The following NPAP1 variants were observed in gnomAD, a reference collection of about 807,000 sequenced individuals.
The protein encoded by NPAP1 is nuclear pore-associated protein 1.
For synonymous variants in NPAP1, 616 were observed against 581.4 expected, an observed-to-expected ratio of 1.06 and a Z score of -0.86; for missense variants, 1,483 against 1,454.5, an observed-to-expected ratio of 1.02 and a Z score of -0.32.
chr15:24,677,301 T>A lies in NPAP1; in HGVS notation c.1434T>A (p.Asn478Lys), dbSNP rs767344796. ...TTCCCATTTTGGGTGATCAGTCTAA[T>A]GAGAAAGGAGGCTCTTATAATTCAG... is the stretch of plus-strand genomic sequence containing the variant. The part of the protein sequence containing the change: ...DLVPILGDQS[N>K]EKGGSYNSVV... Residue 478 changes from asparagine (N) to lysine (K), a missense_variant, in exon 1 of 1, where the codon AAT becomes AAA. Asn to Lys is a moderately conservative substitution (Grantham distance 94, BLOSUM62 0). Coordinates refer to ENST00000329468, the MANE Select transcript of NPAP1 (RefSeq NM_018958.3). The A allele has an allele frequency of 6.2e-7, 1 of 1,614,188 alleles. No individual in the cohort carries two copies. The highest frequency in any genetic ancestry group is 8.5e-7 in the Non-Finnish European group (1 of 1,180,042).
chr15:24,675,949 C>A lies in NPAP1; in HGVS notation c.82C>A (p.Leu28Met), dbSNP rs2141306952. Reference protein sequence around the residue: ...PGPGRGAPAPLSRDASPPGRA... With the variant: ...PGPGRGAPAPMSRDASPPGRA... ...GCCAGGGCGTGGCGCCCCCGCTCCC[C>A]TGTCCCGGGACGCCTCCCCGCCCGG... is the stretch of plus-strand genomic sequence containing the variant. The change falls in exon 1 of 1, where the codon CTG becomes ATG. Residue 28 changes from leucine (L) to methionine (M), a missense_variant. Coordinates refer to ENST00000329468, the MANE Select transcript of NPAP1 (RefSeq NM_018958.3). 6.3e-7 allele frequency: 1 copy of A among 1,591,022 alleles called. No individual in the cohort carries two copies. The highest frequency in any genetic ancestry group is 8.5e-7 in the Non-Finnish European group (1 of 1,170,756).
Position 24,678,773 on chromosome 15 carries a change from C to T in NPAP1, c.2906C>T (p.Ala969Val), listed in dbSNP as rs769614427. The T allele has an allele frequency of 1.4e-5, 23 of 1,614,098 alleles. No individual in the cohort carries two copies. Among genetic ancestry groups the T allele is most frequent in the Non-Finnish European group, 1.9e-5 (23 of 1,180,058 alleles). Residue 969 changes from alanine (A) to valine (V), a missense_variant, in exon 1 of 1, where the codon GCA (alanine) becomes GTA (valine). By Grantham distance (64) the Ala-to-Val change is moderately conservative. Coordinates refer to ENST00000329468, the MANE Select transcript of NPAP1 (RefSeq NM_018958.3). Reference sequence around the variant, plus strand: ...GCTGAGCCAGTCGAGGGTCACAATGCAAGTGCTTTCCCCAATGGCACAGCA... The same window carrying T: ...GCTGAGCCAGTCGAGGGTCACAATGTAAGTGCTTTCCCCAATGGCACAGCA... ...VNAEPVEGHN[A>V]SAFPNGTAKT...
chr15:24,678,039 C>T lies in NPAP1; in HGVS notation c.2172C>T (p.Tyr724=), dbSNP rs772564236. ...TCTCCAAGAAGTACCTCCCATTTTA[C>T]CTGGGGCTTCCTGGTTCTGGGAACA... ...ASVSKKYLPF[Y]LGLPGSGNTQ... is the part of the protein sequence containing the mutation. The change falls in exon 1 of 1, where the codon TAC becomes TAT. Residue 724 remains tyrosine (Y), a synonymous_variant. Coordinates refer to ENST00000329468, the MANE Select transcript of NPAP1 (RefSeq NM_018958.3). 5.0e-6 allele frequency: 8 copies of T among 1,614,038 alleles called. No individual in the cohort carries two copies. The East Asian group carries it at 1.1e-4, about 22-fold the overall frequency.
rs781754283 is a variant in NPAP1 at position 24,678,382 on chromosome 15, A to C, written c.2515A>C (p.Thr839Pro). The C allele has an allele frequency of 6.2e-7, 1 of 1,613,530 alleles. No individual in the cohort carries two copies. Residue 839 changes from threonine to proline, a missense_variant, in exon 1 of 1, where the codon ACC (threonine) becomes CCC (proline). By Grantham distance (38) the Thr-to-Pro change is conservative. Transcript: ENST00000329468. ...PPSKTVILQSTFVSRKEEYIR... is the reference protein window; with the variant it reads ...PPSKTVILQSPFVSRKEEYIR... ...TTCCAAAACTGTCATCTTGCAGTCTACCTTTGTCTCCAGGAAGGAGGAGTA... is the reference window on the plus strand; with the variant it reads ...TTCCAAAACTGTCATCTTGCAGTCTCCCTTTGTCTCCAGGAAGGAGGAGTA...
At position 24,679,269 on chromosome 15, in the gene NPAP1, C is replaced by T. The variant is rs778062643; in HGVS notation, c.3402C>T (p.Tyr1134=). The change falls in exon 1 of 1, where the codon TAC becomes TAT. Residue 1134 remains tyrosine (Y), a synonymous_variant. Coordinates refer to ENST00000329468, the MANE Select transcript of NPAP1 (RefSeq NM_018958.3). ...LQHTWTERKF[Y]TSSTHYYGQE... ...ACACATGGACAGAGAGAAAATTCTA[C>T]ACTTCAAGCACCCACTACTATGGAC... 8.1e-6 allele frequency: 13 copies of T among 1,614,054 alleles called. No homozygotes were observed. The highest frequency in any genetic ancestry group is 1.1e-5 in the Non-Finnish European group (13 of 1,180,024).
In NPAP1 at chr15:24,682,442, G is replaced by C. The variant is rs951843347; in HGVS notation, c.*3104G>C. On this transcript the variant is annotated 3_prime_UTR_variant, in exon 1 of 1. Coordinates refer to ENST00000329468, the MANE Select transcript of NPAP1 (RefSeq NM_018958.3). ...AGACAAACTTTGAATAAATGTGTGA[G>C]AGATACAAAGATAATTTTTGTTTTC... is the stretch of plus-strand genomic sequence containing the variant. 1 of 166,634 alleles carries C rather than the reference G, an allele frequency of 6.0e-6. No individual in the cohort carries two copies. Among genetic ancestry groups the C allele is most frequent in the African/African-American group, 2.4e-5 (1 of 41,434 alleles). The allele number at this position is 166,634 out of a possible 1,614,324, so 10.3% of individuals were successfully genotyped here. A position where few individuals can be genotyped will look rare whatever the true frequency, so the allele number is the denominator to read the frequency against.
chr15:24,676,611 T>C lies in NPAP1; in HGVS notation c.744T>C (p.Cys248=), dbSNP rs764952896. The change falls in exon 1 of 1, where the codon TGT becomes TGC. Residue 248 remains cysteine, a synonymous_variant. Coordinates refer to ENST00000329468, the MANE Select transcript of NPAP1 (RefSeq NM_018958.3). ...CCAGCACACACAGCCAGGCCGGATGTGCCCGGCATCTTGGAAAGCCTGATC... is the reference window on the plus strand; with the variant it reads ...CCAGCACACACAGCCAGGCCGGATGCGCCCGGCATCTTGGAAAGCCTGATC... ...AMPSTHSQAG[C]ARHLGKPDPD... is the part of the protein sequence containing the mutation. 11 of 1,613,780 alleles carry C rather than the reference T, an allele frequency of 6.8e-6. No homozygotes were observed. The East Asian group carries it at 2.5e-4, about 36-fold the overall frequency.
chr15:24,675,942 C>G lies in NPAP1; in HGVS notation c.75C>G (p.Pro25=), dbSNP rs776835685. Residue 25 remains proline (P), a synonymous_variant, in exon 1 of 1, where the codon CCC becomes CCG. Coordinates refer to ENST00000329468, the MANE Select transcript of NPAP1 (RefSeq NM_018958.3). ...TGCCAGGGCCAGGGCGTGGCGCCCCCGCTCCCCTGTCCCGGGACGCCTCCC... is the reference window on the plus strand; with the variant it reads ...TGCCAGGGCCAGGGCGTGGCGCCCCGGCTCCCCTGTCCCGGGACGCCTCCC... ...RPLPGPGRGA[P]APLSRDASPP... is the part of the protein sequence containing the mutation. 1 of 1,586,522 alleles carries G rather than the reference C, an allele frequency of 6.3e-7. No homozygotes were observed. The highest frequency in any genetic ancestry group is 8.6e-7 in the Non-Finnish European group (1 of 1,168,800).
chr15:24,678,586 C>T, the NPAP1 span: 2 of 1,614,046 alleles, frequency 1.2e-6, no homozygotes, highest in Non-Finnish European at 1.7e-6. Context: ...CACTGATGGG[C>T]AGCAGAAGTC....
Position 24,676,264 on chromosome 15 carries a change from C to G in NPAP1, c.397C>G (p.Pro133Ala), listed in dbSNP as rs762513843. The change falls in exon 1 of 1, where the codon CCG (proline) becomes GCG (alanine). Residue 133 changes from proline to alanine, a missense_variant. Transcript: ENST00000329468. ...TCTCCTGCTGCCTTCACCACGTGAG[C>G]CGGCGGTCAAGGCCAGGAAGCCCAT... ...FTLLLPSPRE[P>A]AVKARKPIPA... The G allele has an allele frequency of 1.6e-5, 25 of 1,519,080 alleles. No individual in the cohort carries two copies. The South Asian group carries it at 3.3e-4, about 20-fold the overall frequency. The allele number at this position is 1,519,080 out of a possible 1,614,324, so 94.1% of individuals were successfully genotyped here.
chr15:24,676,543 C>G lies in NPAP1; in HGVS notation c.676C>G (p.Gln226Glu), dbSNP rs762018720. 55 of 1,613,962 alleles carry G rather than the reference C, an allele frequency of 3.4e-5. No individual in the cohort carries two copies. Among genetic ancestry groups the G allele is most frequent in the African/African-American group, 1.1e-4 (8 of 74,908 alleles). The change falls in exon 1 of 1, where the codon CAG (glutamine) becomes GAG (glutamate). Residue 226 changes from glutamine (Q) to glutamate (E), a missense_variant. Physicochemically the swap from Gln to Glu is conservative, Grantham distance 29. Coordinates refer to ENST00000329468, the MANE Select transcript of NPAP1 (RefSeq NM_018958.3). ...FSENSMSEKAQASPASSCLEG... is the reference protein window; with the variant it reads ...FSENSMSEKAEASPASSCLEG... ...AGAAAACAGCATGAGTGAGAAGGCC[C>G]AGGCGTCTCCAGCGAGCTCCTGCTT... is the stretch of plus-strand genomic sequence containing the variant.
At chr15:24,676,318 GT>G in the NPAP1 span, 1 of 1,523,708 alleles carries the variant, frequency 6.6e-7, no homozygotes, top group Non-Finnish European at 8.8e-7. Flanking sequence ...GGAGACCGAG[GT>G]GTGGGCCCAA....
rs2048976152 is a variant in NPAP1, at chr15:24,676,454, G to C, written c.587G>C (p.Gly196Ala). Residue 196 changes from glycine to alanine, a missense_variant, in exon 1 of 1, where the codon GGA becomes GCA. By Grantham distance (60) the Gly-to-Ala change is moderately conservative. Transcript: ENST00000329468. ...ACATCCAGGTCCCAGGGCACCCAGG[G>C]AGACGTGGCCTCCTTCAGATGCAGC... Reference protein sequence around the residue: ...SSTSRSQGTQGDVASFRCSPG... With the variant: ...SSTSRSQGTQADVASFRCSPG... 1 of 1,613,466 alleles carries C rather than the reference G, an allele frequency of 6.2e-7. No homozygotes were observed. The highest frequency in any genetic ancestry group is 1.7e-5 in the Admixed American group (1 of 59,908).
Position 24,681,718 on chromosome 15 carries a change from T to G in NPAP1, c.*2380T>G. 1 of 167,108 alleles carries G rather than the reference T, an allele frequency of 6.0e-6. No homozygotes were observed. 10.4% of individuals were successfully genotyped at this position (167,108 alleles called of 1,614,324 possible). A position where few individuals can be genotyped will look rare whatever the true frequency, so the allele number is the denominator to read the frequency against. On this transcript the variant is annotated 3_prime_UTR_variant, in exon 1 of 1. Coordinates refer to ENST00000329468, the MANE Select transcript of NPAP1 (RefSeq NM_018958.3). Reference sequence around the variant, plus strand: ...ATTGTAGAAAATAATTGAATGTTGTTTAAGCTACCAGTCTGTGGCATTTTT... The same window carrying G: ...ATTGTAGAAAATAATTGAATGTTGTGTAAGCTACCAGTCTGTGGCATTTTT...
Position 24,682,478 on chromosome 15 carries a change from G to A in NPAP1, c.*3140G>A, listed in dbSNP as rs1433092924. 3.7e-4 allele frequency: 62 copies of A among 166,806 alleles called. No individual in the cohort carries two copies. 10.3% of individuals were successfully genotyped at this position (166,806 alleles called of 1,614,324 possible). Reference sequence around the variant, plus strand: ...ATAATTTTTGTTTTCATGTTTTGATGCACTTACACAACTGAAACTATTTCT... The same window carrying A: ...ATAATTTTTGTTTTCATGTTTTGATACACTTACACAACTGAAACTATTTCT... On this transcript the variant is annotated 3_prime_UTR_variant, in exon 1 of 1. Transcript: ENST00000329468.
In NPAP1 at chr15:24,676,730, G is replaced by C. The variant is rs2048978820; in HGVS notation, c.863G>C (p.Ser288Thr). The change falls in exon 1 of 1, where the codon AGC (serine) becomes ACC (threonine). Residue 288 changes from serine (S) to threonine (T), a missense_variant. Transcript: ENST00000329468. Reference sequence around the variant, plus strand: ...GTGCTGAATGAAGAGCCACCGCCCAGCTCCCTAGGCTTGCCGATTCCGCTG... The same window carrying C: ...GTGCTGAATGAAGAGCCACCGCCCACCTCCCTAGGCTTGCCGATTCCGCTG... The part of the protein sequence containing the change: ...AEVLNEEPPP[S>T]SLGLPIPLMS... The C allele has an allele frequency of 1.9e-6, 3 of 1,613,872 alleles. No individual in the cohort carries two copies. The highest frequency in any genetic ancestry group is 1.7e-5 in the Admixed American group (1 of 60,010).
In NPAP1 at chr15:24,678,001, C is replaced by A; in HGVS notation, c.2134C>A (p.Gln712Lys). ...TTPPSKAVIL[Q>K]SASVSKKYLP... is the part of the protein sequence containing the mutation. The stretch of plus-strand genomic sequence containing the variant: ...TCCTCCTTCCAAGGCTGTCATCTTG[C>A]AGTCTGCCTCTGTCTCCAAGAAGTA... The change falls in exon 1 of 1, where the codon CAG (glutamine) becomes AAG (lysine). Residue 712 changes from glutamine (Q) to lysine (K), a missense_variant. Physicochemically the swap from Gln to Lys is moderately conservative, Grantham distance 53. Transcript: ENST00000329468. The A allele has an allele frequency of 6.2e-7, 1 of 1,614,104 alleles. No individual in the cohort carries two copies. Among genetic ancestry groups the A allele is most frequent in the Non-Finnish European group, 8.5e-7 (1 of 1,180,006 alleles).
In NPAP1 at chr15:24,682,686, A is replaced by G. The variant is rs1183536619; in HGVS notation, c.*3348A>G. The G allele has an allele frequency of 1.2e-5, 2 of 166,892 alleles. No homozygotes were observed. The highest frequency in any genetic ancestry group is 2.4e-5 in the African/African-American group (1 of 41,422). 10.3% of individuals were successfully genotyped at this position (166,892 alleles called of 1,614,324 possible). On this transcript the variant is annotated 3_prime_UTR_variant, in exon 1 of 1. Coordinates refer to ENST00000329468, the MANE Select transcript of NPAP1 (RefSeq NM_018958.3). Reference sequence around the variant, plus strand: ...ACTATTATGTTATCTTACAGATGTCATTGTTTTTCCTAAAACTTGAAGTGC... The same window carrying G: ...ACTATTATGTTATCTTACAGATGTCGTTGTTTTTCCTAAAACTTGAAGTGC...
Position 24,677,603 on chromosome 15 carries a change from A to T in NPAP1, c.1736A>T (p.Asp579Val), listed in dbSNP as rs758609267. ...GTAGACCCTGAAGTAGTTAATATGG[A>T]TACTACTGCCCCATCTCAGGTTGTT... ...TAVDPEVVNM[D>V]TTAPSQVVIF... is the part of the protein sequence containing the mutation. The change falls in exon 1 of 1, where the codon GAT (aspartate) becomes GTT (valine). Residue 579 changes from aspartate (D) to valine (V), a missense_variant. Coordinates refer to ENST00000329468, the MANE Select transcript of NPAP1 (RefSeq NM_018958.3). The T allele has an allele frequency of 6.2e-7, 1 of 1,614,162 alleles. No individual in the cohort carries two copies. The highest frequency in any genetic ancestry group is 1.1e-5 in the South Asian group (1 of 91,088).
Sources: gnomAD v4.1 joint callset for allele counts on GRCh38, gnomAD v4.1.1 for gene constraint, MANE v1.5 for transcripts, NCBI Gene and HGNC (gene_info 2026-07-23, HGNC 2026-07-21) for gene names.